Variants in CXADR observed in about 807,000 individuals in gnomAD.
CXADR encodes CXADR cell adhesion molecule.
In CXADR, 20 loss-of-function variants were observed where a neutral mutation model predicts 40.3. The observed-to-expected ratio is 0.50, with a 90% CI of 0.35 to 0.72. The LOEUF is 0.72. Ranked by LOEUF, CXADR falls within the 30% of genes least tolerant of loss-of-function variation. The pLI is 0.01. For synonymous variants in CXADR, 150 were observed against 161.3 expected, an observed-to-expected ratio of 0.93 and a Z score of 0.53; for missense variants, 332 against 449.1, an observed-to-expected ratio of 0.74 and a Z score of 2.36.
downstream of CXADR, among the ~76,000 whole-genome samples, chr21:17,594,948 C>A (rs150231810): frequency 2.6e-5 from 4 of 151,608 alleles, no homozygotes; most frequent in South Asian, 8.3e-4. Flanking sequence ...CCCTGTGACA[C>A]ATGTTTACCT....
downstream of CXADR, among the ~76,000 whole-genome samples, chr21:17,596,035 C>T (rs2061499666): frequency 6.6e-6 from 1 of 152,060 alleles, no homozygotes; most frequent in South Asian, 2.1e-4. Context: ...AGGCCATTCA[C>T]ATAACTCCTT....
intron 7 of CXADR, among the ~76,000 whole-genome samples, chr21:17,583,316 T>C (rs2061373484): frequency 6.6e-6 from 1 of 152,212 alleles, no homozygotes; most frequent in African/African-American, 2.4e-5. Context: ...GCAAAAGATT[T>C]GTGGTACAGT....
intron 2 of CXADR, among the ~76,000 whole-genome samples, chr21:17,550,043 A>G (rs2245583): frequency 0.48 from 73,628 of 151,964 alleles, 21,523 homozygotes; most frequent in Non-Finnish European, 0.65. Flanking sequence ...CGCAACCTAG[A>G]TGCACACAGT....
chr21:17,613,926 A>C, the CXADR span: 4 of 152,196 alleles, frequency 2.6e-5, no homozygotes, highest in African/African-American at 9.7e-5. Context: ...TGTACAGTAT[A>C]TTGGCCAGAT....
At chr21:17,514,610 TGGAAGAAC>T in intron 1 of CXADR, among the ~76,000 whole-genome samples, 1 of 149,304 alleles carries the variant, frequency 6.7e-6, no homozygotes. Flanking sequence ...AGCAGAAAAG[TGGAAGAAC>T]ATAAATTATG....
Position 17,561,346 on chromosome 21 carries a change from A to G in CXADR, c.703A>G (p.Lys235Glu). The G allele has an allele frequency of 6.4e-7, 1 of 1,568,026 alleles. No homozygotes were observed. The highest frequency in any genetic ancestry group is 8.6e-7 in the Non-Finnish European group (1 of 1,156,922). Residue 235 changes from lysine to glutamate, a missense_variant, in exon 6 of 7, where the codon AAA becomes GAA. This residue lies in a region of CXADR where 150 missense variants were observed against 194.2 expected (regional missense o/e 0.77). Coordinates refer to ENST00000284878, the MANE Select transcript of CXADR (RefSeq NM_001338.5). Reference protein sequence around the residue: ...LRLNVVPPSNKAGLIAGAIIG... With the variant: ...LRLNVVPPSNEAGLIAGAIIG... The stretch of plus-strand genomic sequence containing the variant: ...AATTCTTCTTATTTTAGCTTCAAAT[A>G]AAGCTGGACTAATTGCAGGAGCCAT...
intron 2 of CXADR, among the ~76,000 whole-genome samples, chr21:17,551,344 G>T: frequency 6.7e-6 from 1 of 150,368 alleles, no homozygotes; most frequent in East Asian, 2.0e-4. Flanking sequence ...AGGGAGCCGA[G>T]ATCTCACCAT....
chr21:17,612,782 G>A, the CXADR span: 3 of 152,182 alleles, frequency 2.0e-5, no homozygotes, highest in Non-Finnish European at 2.9e-5. Flanking sequence ...CCGCCTCAAC[G>A]GGCCCGCGCT....
At chr21:17,518,950 A>G in intron 1 of CXADR, 1 of 1,608,538 alleles carries the variant, frequency 6.2e-7, no homozygotes, top group East Asian at 2.2e-5. Context: ...CTTGCCCCCT[A>G]TCCGGACCTG....
At position 17,587,214 on chromosome 21, in the gene CXADR, C is replaced by T. The variant is rs138944959; in HGVS notation, c.1018-5938C>T. Among the ~76,000 whole-genome samples the T allele has an allele frequency of 6.3e-3, 964 of 152,166 alleles. 57 individuals are homozygous for T. In the East Asian group the frequency reaches 0.13, roughly 21 times the overall value. On this transcript the variant is annotated intron_variant, in intron 7 of 7. Transcript: ENST00000400169. Reference sequence around the variant, plus strand: ...CAATAAACCTACGTGTGCATGTGTCCTTATAGCAGCATGATTTATAATCCT... The same window carrying T: ...CAATAAACCTACGTGTGCATGTGTCTTTATAGCAGCATGATTTATAATCCT...
intron 1 of CXADR, among the ~76,000 whole-genome samples, chr21:17,542,298 C>T (rs1350976205): frequency 6.6e-6 from 1 of 152,142 alleles, no homozygotes; most frequent in South Asian, 2.1e-4. Flanking sequence ...TTTGAAAAAA[C>T]AAGTGAAAGA....
At chr21:17,580,508 C>T (rs2061352680) in intron 7 of CXADR, among the ~76,000 whole-genome samples, 1 of 152,078 alleles carries the variant, frequency 6.6e-6, no homozygotes, top group Admixed American at 6.6e-5. Flanking sequence ...ACTTGGGAGG[C>T]TGAAGTAGGA....
downstream of CXADR, among the ~76,000 whole-genome samples, chr21:17,572,284 T>G (rs1465275832): frequency 1.3e-5 from 2 of 151,008 alleles, no homozygotes; most frequent in African/African-American, 4.9e-5. Flanking sequence ...ATGGGATGAT[T>G]GCTTGAACCT....
the CXADR span, chr21:17,612,294 G>C: frequency 2.0e-5 from 3 of 152,120 alleles, no homozygotes; most frequent in Non-Finnish European, 4.4e-5. Flanking sequence ...TCGAGGACCC[G>C]GCTTCCCGGA....
chr21:17,621,602 G>A, the CXADR span, among the ~76,000 whole-genome samples: 1 of 152,192 alleles, frequency 6.6e-6, no homozygotes, highest in Non-Finnish European at 1.5e-5. Flanking sequence ...TAGGCCATGA[G>A]GGCTCCTCTC....
the CXADR span, among the ~76,000 whole-genome samples, chr21:17,632,633 C>T: frequency 3.9e-5 from 6 of 152,040 alleles, no homozygotes; most frequent in African/African-American, 1.2e-4. Context: ...TTTGGGAGGC[C>T]GAGGCGGGCG....
chr21:17,534,014 A>ATATATATATATAGC (rs1258297353), intron 1 of CXADR, among the ~76,000 whole-genome samples: 22 of 129,254 alleles, frequency 1.7e-4, no homozygotes, highest in Admixed American at 4.1e-4. Context: ...AGCAATATAT[A>ATATATATATATAGC]TATATATATA....
intron 6 of CXADR, among the ~76,000 whole-genome samples, chr21:17,563,641 T>C (rs1021218536): frequency 2.0e-5 from 3 of 151,842 alleles, no homozygotes; most frequent in African/African-American, 7.3e-5. Flanking sequence ...GCACATGCTG[T>C]TGGAAAAATG....
intron 7 of CXADR, among the ~76,000 whole-genome samples, chr21:17,591,332 TA>T (rs1023371956): frequency 1.3e-5 from 2 of 151,978 alleles, no homozygotes; most frequent in Non-Finnish European, 2.9e-5. Flanking sequence ...TAATAAAAAT[TA>T]AAAAAATTAT....
Sources: allele counts gnomAD v4.1 joint callset (sites outside exome capture counted in the v4.1 genomes callset), GRCh38; gene constraint gnomAD v4.1.1; regional missense constraint gnomAD v4.1.1; transcripts MANE v1.5; gene names NCBI Gene and HGNC (gene_info 2026-07-23, HGNC 2026-07-21).